PRRX2: variants seen among roughly 807,000 people sequenced by gnomAD.
PRRX2 encodes paired mesoderm homeobox protein 2.
PRRX2 carries 11 observed loss-of-function variants against 18.0 expected under a neutral mutation model. The observed-to-expected ratio is 0.61, with a 90% CI of 0.39 to 1.01. The LOEUF (loss-of-function observed/expected upper bound fraction) is 1.01. PRRX2 is among the 50% of genes least tolerant of loss of function. The pLI is 0.01. For synonymous variants in PRRX2, 177 were observed against 154.8 expected (o/e 1.14, Z -1.06); for missense variants, 387 against 351.0 (o/e 1.10, Z -0.82).
intron 1 of PRRX2, among the ~76,000 whole-genome samples, chr9:129,700,490 C>T (rs928772155): frequency 7.9e-5 from 12 of 152,062 alleles, no homozygotes; most frequent in African/African-American, 2.7e-4. Context: ...CCACCAAGCC[C>T]GGCTAATTTT....
At chr9:129,669,328 C>T (rs1302434691) in intron 1 of PRRX2, among the ~76,000 whole-genome samples, 3 of 152,242 alleles carry the variant, frequency 2.0e-5, no homozygotes, top group African/African-American at 4.8e-5. Flanking sequence ...GCCAGTCAAA[C>T]GCTGAGGGCT....
chr9:129,683,043 G>T (rs1832253522), intron 1 of PRRX2, among the ~76,000 whole-genome samples: 1 of 152,052 alleles, frequency 6.6e-6, no homozygotes, highest in Non-Finnish European at 1.5e-5. Flanking sequence ...GGGAGGCGAA[G>T]GTTGCAGTGA....
intron 1 of PRRX2, among the ~76,000 whole-genome samples, chr9:129,702,927 G>C (rs1832514972): frequency 6.6e-6 from 1 of 152,212 alleles, no homozygotes; most frequent in Admixed American, 6.5e-5. Flanking sequence ...GCCCTCAGAG[G>C]CTAGCAAGGG....
chr9:129,669,462 C>T (rs1231257240), intron 1 of PRRX2, among the ~76,000 whole-genome samples: 1 of 152,210 alleles, frequency 6.6e-6, no homozygotes, highest in Non-Finnish European at 1.5e-5. Flanking sequence ...AGAGTGGAAA[C>T]GGGGACGTGG....
At chr9:129,707,136 A>G (rs1439697774) in intron 1 of PRRX2, among the ~76,000 whole-genome samples, 7 of 151,972 alleles carry the variant, frequency 4.6e-5, no homozygotes, top group Non-Finnish European at 7.4e-5. Flanking sequence ...GGCACCTGTA[A>G]TCTCAGCTAC....
intron 1 of PRRX2, among the ~76,000 whole-genome samples, chr9:129,717,702 AAAAAAAAAAAAAG>A (rs1564156066): frequency 1.3e-5 from 2 of 151,244 alleles, no homozygotes; most frequent in African/African-American, 4.9e-5. Context: ...CCTCAAAAAA[AAAAAAAAAAAAAG>A]AAAAAGAAAA....
chr9:129,674,892 G>A (rs1832144925), intron 1 of PRRX2, among the ~76,000 whole-genome samples: 2 of 152,178 alleles, frequency 1.3e-5, no homozygotes, highest in Admixed American at 1.3e-4. Flanking sequence ...GAATCACCCA[G>A]GGAGCTGGTG....
At chr9:129,692,183 A>G (rs890974833) in intron 1 of PRRX2, among the ~76,000 whole-genome samples, 1 of 151,548 alleles carries the variant, frequency 6.6e-6, no homozygotes, top group Non-Finnish European at 1.5e-5. Context: ...CTCCTGACCT[A>G]AAGTGATCTA....
At chr9:129,710,690 G>A (rs548604320) in intron 1 of PRRX2, among the ~76,000 whole-genome samples, 7 of 152,296 alleles carry the variant, frequency 4.6e-5, no homozygotes, top group East Asian at 1.9e-4. Context: ...CAGAGATCGC[G>A]CCAGTGCACT....
rs946824103 is a variant in PRRX2 at position 129,665,968 on chromosome 9, C to G, written c.101C>G (p.Ala34Gly). The part of the protein sequence containing the change: ...PALGPGDCAQ[A>G]RKNFSVSHLL... ...CTGGGGCCCGGCGACTGCGCCCAGGCGCGCAAGAACTTCTCGGTGAGCCAC... is the reference window on the plus strand; with the variant it reads ...CTGGGGCCCGGCGACTGCGCCCAGGGGCGCAAGAACTTCTCGGTGAGCCAC... The change falls in exon 1 of 4, where the codon GCG becomes GGG. Residue 34 changes from alanine (A) to glycine (G), a missense_variant. Coordinates refer to ENST00000372469, the MANE Select transcript of PRRX2 (RefSeq NM_016307.4). This position sits in a 1 kb window ranked among gnomAD's most constrained non-coding sequence, Gnocchi z 5.3. 220 of 1,141,082 alleles carry G rather than the reference C, an allele frequency of 1.9e-4. No homozygotes were observed. The highest frequency in any genetic ancestry group is 4.0e-4 in the Middle Eastern group (1 of 2,512). The allele number at this position is 1,141,082 out of a possible 1,614,324, so 70.7% of individuals were successfully genotyped here. A position where few individuals can be genotyped will look rare whatever the true frequency, so the allele number is the denominator to read the frequency against.
chr9:129,682,652 C>A (rs1024153699), intron 1 of PRRX2, among the ~76,000 whole-genome samples: 10 of 152,168 alleles, frequency 6.6e-5, no homozygotes, highest in Non-Finnish European at 1.0e-4. Flanking sequence ...ATGGCTTCGC[C>A]CAATCCCGGA....
intron 1 of PRRX2, among the ~76,000 whole-genome samples, chr9:129,685,335 C>T (rs988229897): frequency 9.9e-5 from 15 of 152,234 alleles, no homozygotes; most frequent in Non-Finnish European, 2.2e-4. Flanking sequence ...ACAGGCAGTC[C>T]ACATTTCACT....
At chr9:129,692,838 G>A (rs1476217518) in intron 1 of PRRX2, among the ~76,000 whole-genome samples, 1 of 152,190 alleles carries the variant, frequency 6.6e-6, no homozygotes, top group African/African-American at 2.4e-5. Flanking sequence ...TGGCAATTAT[G>A]AACAGAGCTG....
chr9:129,715,756 A>G lies in PRRX2; in HGVS notation c.260-3475A>G, dbSNP rs926284208. ...AGCTTCAGGGACATCTTTCTCACACACACACACACACACACACACACACAC... is the reference window on the plus strand; with the variant it reads ...AGCTTCAGGGACATCTTTCTCACACGCACACACACACACACACACACACAC... On this transcript the variant is annotated intron_variant, in intron 1 of 3. Transcript: ENST00000372469. The surrounding 1 kb of genome is among the most constrained non-coding windows in gnomAD (Gnocchi z 4.0). 9.0e-5 allele frequency among the ~76,000 whole-genome samples: 10 copies of G among 111,618 alleles called. No individual in the cohort carries two copies. The highest frequency in any genetic ancestry group is 1.5e-4 in the Non-Finnish European group (8 of 54,804). 73.2% of individuals were successfully genotyped at this position (111,618 alleles called of 152,430 possible).
At chr9:129,711,490 C>T (rs1003159462) in intron 1 of PRRX2, among the ~76,000 whole-genome samples, 1 of 149,400 alleles carries the variant, frequency 6.7e-6, no homozygotes, top group Non-Finnish European at 1.5e-5. Context: ...ACTGCAACCT[C>T]CACCTCCCGG....
At chr9:129,697,724 C>G (rs1832444761) in intron 1 of PRRX2, among the ~76,000 whole-genome samples, 1 of 152,074 alleles carries the variant, frequency 6.6e-6, no homozygotes, top group Non-Finnish European at 1.5e-5. Context: ...CGCCTCGCCC[C>G]TCGGCCCTGT....
At chr9:129,713,365 C>T (rs1437330002) in intron 1 of PRRX2, 3 of 152,260 alleles carry the variant, frequency 2.0e-5, no homozygotes, top group Non-Finnish European at 2.9e-5. Flanking sequence ...TTGGTGTGTC[C>T]TTCAGCAAGG....
chr9:129,682,191 C>T (rs189193926), intron 1 of PRRX2, among the ~76,000 whole-genome samples: 4 of 152,232 alleles, frequency 2.6e-5, no homozygotes, highest in Non-Finnish European at 5.9e-5. Context: ...GCTTCTTTCC[C>T]TCAACCTCAG....
chr9:129,686,635 C>T (rs897418094), intron 1 of PRRX2, among the ~76,000 whole-genome samples: 24 of 152,200 alleles, frequency 1.6e-4, no homozygotes, highest in African/African-American at 5.5e-4. Flanking sequence ...CCTCAGCCTC[C>T]TAAAGCACTG....
Sources: allele counts gnomAD v4.1 joint callset (sites outside exome capture counted in the v4.1 genomes callset), GRCh38; gene constraint gnomAD v4.1.1; non-coding constraint Gnocchi (gnomAD v3.1); transcripts MANE v1.5; gene names NCBI Gene and HGNC (gene_info 2026-07-23, HGNC 2026-07-21).